ARIH1: variants seen among roughly 807,000 people sequenced by gnomAD.
The protein encoded by ARIH1 is ariadne RBR E3 ubiquitin protein ligase 1.
Under a neutral mutation model 85.0 loss-of-function variants are expected in ARIH1, and 8 were observed. That is an observed-to-expected ratio of 0.09 (90% CI 0.06 to 0.17). The LOEUF (loss-of-function observed/expected upper bound fraction) is 0.17, where lower values mean the gene tolerates loss of function less well. ARIH1 is among the 10% of genes least tolerant of loss of function. ARIH1 has a pLI of 1.00. For synonymous variants in ARIH1, 238 were observed against 253.6 expected (o/e 0.94, Z 0.59); for missense variants, 311 against 718.1 (o/e 0.43, Z 6.48).
chr15:72,509,066 C>T (rs572584223), intron 1 of ARIH1, among the ~76,000 whole-genome samples: 2 of 151,156 alleles, frequency 1.3e-5, no homozygotes, highest in African/African-American at 4.9e-5. Context: ...TCTCAGCTCA[C>T]TGCAACCTCC....
At chr15:72,526,681 G>C (rs2064029845) in intron 2 of ARIH1, among the ~76,000 whole-genome samples, 1 of 152,074 alleles carries the variant, frequency 6.6e-6, no homozygotes, top group Non-Finnish European at 1.5e-5. Flanking sequence ...CCCTGATCTT[G>C]CACTCCAACC....
intron 1 of ARIH1, among the ~76,000 whole-genome samples, chr15:72,507,004 GTATGTATGTATGTATGTATT>G (rs1358669734): frequency 6.5e-5 from 9 of 139,306 alleles, no homozygotes; most frequent in African/African-American, 2.2e-4. Context: ...ATGTATGTAT[GTATGTATGTATGTATGTATT>G]TATTTATTTA....
chr15:72,583,356 C>A lies in ARIH1; in HGVS notation c.*64C>A, dbSNP rs1179902070. ...ATCTAGAGTGCTCATGCAATTAAAA[C>A]AAAACAAACACAAACAAGGAGGCAC... On this transcript the variant is annotated 3_prime_UTR_variant, in exon 14 of 14. Coordinates refer to ENST00000379887, the MANE Select transcript of ARIH1 (RefSeq NM_005744.5). 39 of 1,335,302 alleles carry A rather than the reference C, an allele frequency of 2.9e-5. No individual in the cohort carries two copies. Among genetic ancestry groups the A allele is most frequent in the Non-Finnish European group, 5.3e-6 (5 of 940,074 alleles). The allele number at this position is 1,335,302 out of a possible 1,614,324, so 82.7% of individuals were successfully genotyped here.
intron 1 of ARIH1, among the ~76,000 whole-genome samples, chr15:72,492,520 C>T (rs1428975416): frequency 1.3e-5 from 2 of 152,210 alleles, no homozygotes; most frequent in African/African-American, 4.8e-5. Context: ...TTCACCACTT[C>T]ACCTCTTATG....
intron 2 of ARIH1, among the ~76,000 whole-genome samples, chr15:72,523,368 TAAATG>T: frequency 6.6e-6 from 1 of 152,338 alleles, no homozygotes; most frequent in Admixed American, 6.5e-5. Flanking sequence ...TGCATATTAT[TAAATG>T]AAATAAGCCA....
chr15:72,531,873 A>G (rs888452713), intron 2 of ARIH1, among the ~76,000 whole-genome samples: 5 of 152,208 alleles, frequency 3.3e-5, no homozygotes, highest in African/African-American at 4.8e-5. Context: ...AAGCCAACCA[A>G]CATTTTGTTC....
At chr15:72,518,919 C>G (rs2063986868) in intron 2 of ARIH1, among the ~76,000 whole-genome samples, 1 of 152,064 alleles carries the variant, frequency 6.6e-6, no homozygotes, top group Non-Finnish European at 1.5e-5. Context: ...GACTGGTTCT[C>G]TGGTTTCAGG....
intron 1 of ARIH1, among the ~76,000 whole-genome samples, chr15:72,482,082 C>T (rs1044228688): frequency 1.3e-5 from 2 of 152,028 alleles, no homozygotes; most frequent in Non-Finnish European, 2.9e-5. Context: ...GTGATCCACC[C>T]GACTTGGCCT....
intron 2 of ARIH1, among the ~76,000 whole-genome samples, chr15:72,533,914 GAA>G (rs1327005333): frequency 2.0e-5 from 3 of 151,866 alleles, no homozygotes; most frequent in African/African-American, 4.8e-5. Flanking sequence ...CTCAAAAAAA[GAA>G]AAAGTCATAT....
intron 1 of ARIH1, among the ~76,000 whole-genome samples, chr15:72,498,407 T>C (rs1211448228): frequency 6.6e-6 from 1 of 152,262 alleles, no homozygotes; most frequent in Non-Finnish European, 1.5e-5. Flanking sequence ...GTTTTCCTAT[T>C]GTTGGACATC....
intron 3 of ARIH1, among the ~76,000 whole-genome samples, chr15:72,549,087 T>C (rs993217299): frequency 6.9e-6 from 1 of 144,334 alleles, no homozygotes; most frequent in African/African-American, 2.7e-5. Context: ...TCTCTCTCTC[T>C]CTTTTTTTTT....
chr15:72,506,545 A>G (rs1161761485), intron 1 of ARIH1, among the ~76,000 whole-genome samples: 1 of 152,012 alleles, frequency 6.6e-6, no homozygotes, highest in African/African-American at 2.4e-5. Flanking sequence ...TGTAGCATTT[A>G]TAAATATTCC....
intron 2 of ARIH1, among the ~76,000 whole-genome samples, chr15:72,541,205 T>C (rs1035538733): frequency 5.9e-5 from 9 of 152,168 alleles, no homozygotes; most frequent in African/African-American, 1.9e-4. Context: ...TTGAAACATA[T>C]GGCTAGTTGA....
intron 3 of ARIH1, among the ~76,000 whole-genome samples, chr15:72,553,992 A>G (rs895449383): frequency 6.6e-6 from 1 of 152,198 alleles, no homozygotes; most frequent in Non-Finnish European, 1.5e-5. Context: ...TCACTGTGCA[A>G]GTGATAGGAG....
At chr15:72,514,356 TAGTG>T in intron 1 of ARIH1, among the ~76,000 whole-genome samples, 1 of 152,306 alleles carries the variant, frequency 6.6e-6, no homozygotes, top group East Asian at 1.9e-4. Flanking sequence ...TTCTTTCTGA[TAGTG>T]AGCCGGTCCA....
In ARIH1 at chr15:72,591,696, C is replaced by T. The variant is rs1458279417; in HGVS notation, c.*8404C>T. 2 of 152,202 alleles carry T rather than the reference C, an allele frequency of 1.3e-5. No homozygotes were observed. The highest frequency in any genetic ancestry group is 4.8e-5 in the African/African-American group (2 of 41,446). The allele number at this position is 152,202 out of a possible 1,614,324, so 9.4% of individuals were successfully genotyped here. ...AATAACCAGCATTTGTAGAGCACTT[C>T]TTGTGGGCCTTCTTGGGCAAATAGA... is the stretch of plus-strand genomic sequence containing the variant. On this transcript the variant is annotated 3_prime_UTR_variant, in exon 14 of 14. Transcript: ENST00000379887.
chr15:72,567,366 T>C (rs944964578), intron 9 of ARIH1, among the ~76,000 whole-genome samples, 189 bp downstream of exon 9: 5 of 152,086 alleles, frequency 3.3e-5, no homozygotes, highest in Non-Finnish European at 7.4e-5. Context: ...TTTTAGAGTA[T>C]TGAGTACTGT....
At chr15:72,488,907 TC>T (rs2063847840) in intron 1 of ARIH1, among the ~76,000 whole-genome samples, 1 of 152,162 alleles carries the variant, frequency 6.6e-6, no homozygotes, top group African/African-American at 2.4e-5. Flanking sequence ...TGCGTATAGT[TC>T]CCTGGCGCTG....
chr15:72,496,069 C>T (rs2063878907), intron 1 of ARIH1, among the ~76,000 whole-genome samples: 1 of 152,060 alleles, frequency 6.6e-6, no homozygotes, highest in African/African-American at 2.4e-5. Flanking sequence ...CACCACCACA[C>T]CTAATTAAAA....
Sources: allele counts gnomAD v4.1 joint callset (sites outside exome capture counted in the v4.1 genomes callset), GRCh38; gene constraint gnomAD v4.1.1; transcripts MANE v1.5; gene names NCBI Gene and HGNC (gene_info 2026-07-23, HGNC 2026-07-21).